The following DOCK3 variants were observed in gnomAD, a reference collection of about 807,000 sequenced individuals.
DOCK3 encodes dedicator of cytokinesis 3, also known as dedicator of cytokinesis protein 3.
DOCK3 carries 60 observed loss-of-function variants against 265.6 expected under a neutral mutation model. The observed-to-expected ratio is 0.23, with a 90% confidence interval of 0.18 to 0.28. The LOEUF (loss-of-function observed/expected upper bound fraction) is 0.28. Ranked by LOEUF, DOCK3 falls within the 10% of genes least tolerant of loss-of-function variation. DOCK3 has a pLI of 1.00. For missense variants in DOCK3, 1,981 were observed against 2,594.3 expected, an observed-to-expected ratio of 0.76 and a Z score of 5.14; for synonymous variants, 881 against 938.0, an observed-to-expected ratio of 0.94 and a Z score of 1.11.
chr3:51,246,723 C>T lies in DOCK3; in HGVS notation c.2103-3C>T. 1 of 1,612,274 alleles carries T rather than the reference C, an allele frequency of 6.2e-7. No homozygotes were observed. The highest frequency in any genetic ancestry group is 1.3e-5 in the African/African-American group (1 of 75,044). ...GGGTTTCTGGAACTGTTCTCTTTCC[C>T]AGGGAGCTCATCCGCTGTTTGAAGT... On this transcript the variant is annotated splice_polypyrimidine_tract_variant and splice_region_variant and intron_variant, in intron 21 of 52. Transcript: ENST00000266037.
At chr3:50,774,748 C>T (rs972057947) in intron 1 of DOCK3, among the ~76,000 whole-genome samples, 1 of 151,880 alleles carries the variant, frequency 6.6e-6, no homozygotes, top group African/African-American at 2.4e-5. Context: ...CAGTGGCCAT[C>T]CTCTTCTTGT....
chr3:51,052,065 T>C (rs1421254211), intron 5 of DOCK3, among the ~76,000 whole-genome samples: 1 of 152,198 alleles, frequency 6.6e-6, no homozygotes, highest in Non-Finnish European at 1.5e-5. Context: ...TCACCCACTA[T>C]GCTCCATTGT....
At chr3:51,016,950 A>AAC (rs1424800157) in intron 5 of DOCK3, among the ~76,000 whole-genome samples, 2 of 31,046 alleles carry the variant, frequency 6.4e-5, no homozygotes, top group Non-Finnish European at 1.0e-4. Flanking sequence ...TGTTATATAT[A>AAC]ATATATATAT....
At chr3:51,350,229 G>C in intron 39 of DOCK3, 59 bp from the exon 40 acceptor site, 2 of 1,493,000 alleles carry the variant, frequency 1.3e-6, no homozygotes, top group Non-Finnish European at 1.8e-6. Context: ...GGGCCTGGGA[G>C]AACTTCCTTT....
chr3:51,279,374 C>T (rs2080993575), intron 26 of DOCK3, among the ~76,000 whole-genome samples: 2 of 152,090 alleles, frequency 1.3e-5, no homozygotes, highest in Non-Finnish European at 2.9e-5. Context: ...AAATGTTCTC[C>T]CTCCCTTTTA....
chr3:51,049,404 C>G (rs954849060), intron 5 of DOCK3, among the ~76,000 whole-genome samples: 1 of 152,088 alleles, frequency 6.6e-6, no homozygotes, highest in African/African-American at 2.4e-5. Context: ...AAAGAAATAT[C>G]AGGAGCAGTT....
At chr3:50,892,209 C>G (rs1360139248) in intron 4 of DOCK3, among the ~76,000 whole-genome samples, 1 of 152,000 alleles carries the variant, frequency 6.6e-6, no homozygotes, top group Non-Finnish European at 1.5e-5. Flanking sequence ...TTTACTTTGG[C>G]CTTTTTCTCC....
Position 50,787,609 on chromosome 3 carries a change from G to A in DOCK3, c.121+8851G>A, listed in dbSNP as rs576848491. ...CTGCACTGGTGCTTCAGGCTCCTTTGTTTCCCGCTTCTTACGCTTAGGTGG... is the reference window on the plus strand; with the variant it reads ...CTGCACTGGTGCTTCAGGCTCCTTTATTTCCCGCTTCTTACGCTTAGGTGG... On this transcript the variant is annotated intron_variant, in intron 2 of 52. Transcript: ENST00000266037. 2.4e-5 allele frequency: 29 copies of A among 1,218,782 alleles called. No homozygotes were observed. In the South Asian group the frequency reaches 3.3e-4, roughly 14 times the overall value. The allele number at this position is 1,218,782 out of a possible 1,614,324, so 75.5% of individuals were successfully genotyped here. A position where few individuals can be genotyped will look rare whatever the true frequency, so the allele number is the denominator to read the frequency against.
chr3:51,338,528 G>A, intron 36 of DOCK3, 109 bp downstream of exon 36: 3 of 1,231,914 alleles, frequency 2.4e-6, no homozygotes, highest in Non-Finnish European at 2.3e-6. Context: ...CTAAGGGTTT[G>A]AATCAGGACA....
At chr3:51,061,417 A>G (rs2081403223) in intron 5 of DOCK3, among the ~76,000 whole-genome samples, 2 of 152,190 alleles carry the variant, frequency 1.3e-5, no homozygotes, top group South Asian at 2.1e-4. Flanking sequence ...TTGTAGGGAC[A>G]TGGATGAAGC....
At chr3:50,914,797 T>A (rs1037423642) in intron 4 of DOCK3, among the ~76,000 whole-genome samples, 25 of 152,252 alleles carry the variant, frequency 1.6e-4, no homozygotes, top group African/African-American at 5.1e-4. Flanking sequence ...TGTTGAAATC[T>A]CCAACACCAA....
chr3:51,164,844 G>A (rs1160077076), intron 12 of DOCK3, among the ~76,000 whole-genome samples: 3 of 151,814 alleles, frequency 2.0e-5, no homozygotes, highest in Non-Finnish European at 1.5e-5. Flanking sequence ...TAGACACTAG[G>A]CCTATTCAGG....
chr3:51,252,219 G>A (rs1213041743), intron 22 of DOCK3, among the ~76,000 whole-genome samples: 2 of 152,136 alleles, frequency 1.3e-5, no homozygotes, highest in Non-Finnish European at 2.9e-5. Context: ...CCATTGGTCT[G>A]TATCTCTGTT....
At chr3:50,891,656 C>A (rs1377009685) in intron 4 of DOCK3, among the ~76,000 whole-genome samples, 2 of 151,466 alleles carry the variant, frequency 1.3e-5, no homozygotes, top group Non-Finnish European at 2.9e-5. Flanking sequence ...ATTATAAATT[C>A]AGAAGTAATA....
chr3:50,806,481 A>G (rs1343025626), intron 2 of DOCK3, among the ~76,000 whole-genome samples: 1 of 150,150 alleles, frequency 6.7e-6, no homozygotes, highest in Non-Finnish European at 1.5e-5. Flanking sequence ...CCCAGGGAAT[A>G]TTGGCTCCTT....
chr3:51,267,080 C>T (rs932049854), intron 23 of DOCK3, among the ~76,000 whole-genome samples: 4 of 152,112 alleles, frequency 2.6e-5, no homozygotes, highest in East Asian at 3.8e-4. Context: ...CTCATCATCA[C>T]TGGTCATTAG....
intron 5 of DOCK3, among the ~76,000 whole-genome samples, chr3:50,964,711 A>C (rs965627637): frequency 2.0e-5 from 3 of 152,176 alleles, no homozygotes; most frequent in Non-Finnish European, 4.4e-5. Context: ...AGTTAAATAA[A>C]TAATGACTAA....
chr3:50,839,609 C>G (rs781038603), intron 2 of DOCK3, among the ~76,000 whole-genome samples: 3 of 151,636 alleles, frequency 2.0e-5, no homozygotes, highest in African/African-American at 4.8e-5. Flanking sequence ...TGAGCAGCTT[C>G]TCATATTCTT....
At chr3:50,833,441 G>T (rs1390693302) in intron 2 of DOCK3, among the ~76,000 whole-genome samples, 1 of 152,024 alleles carries the variant, frequency 6.6e-6, no homozygotes, top group Non-Finnish European at 1.5e-5. Context: ...TTTCACATAG[G>T]CTTTTTAAAT....
Sources: allele counts gnomAD v4.1 joint callset (sites outside exome capture counted in the v4.1 genomes callset), GRCh38; gene constraint gnomAD v4.1.1; transcripts MANE v1.5; gene names NCBI Gene and HGNC (gene_info 2026-07-23, HGNC 2026-07-21).